Variants in GLT1D1 observed in about 807,000 individuals in gnomAD.
GLT1D1 encodes the protein glycosyltransferase 1 domain-containing protein 1.
Under a neutral mutation model 28.7 loss-of-function variants are expected in GLT1D1, and 21 were observed. That is an observed-to-expected ratio of 0.73 (90% CI 0.52 to 1.05). The LOEUF (loss-of-function observed/expected upper bound fraction) is 1.05. GLT1D1 is among the 50% of genes least tolerant of loss of function. The pLI is 0.00. For synonymous variants in GLT1D1, 147 were observed against 124.8 expected, an observed-to-expected ratio of 1.18 and a Z score of -1.19; for missense variants, 343 against 330.6, an observed-to-expected ratio of 1.04 and a Z score of -0.29.
intron 6 of GLT1D1, among the ~76,000 whole-genome samples, chr12:128,952,558 C>G (rs1876819815): frequency 6.6e-6 from 1 of 151,658 alleles, no homozygotes; most frequent in African/African-American, 2.4e-5. Context: ...CCTCCACCTC[C>G]CAGGTTCAAG....
intron 1 of GLT1D1, among the ~76,000 whole-genome samples, chr12:128,872,269 T>C (rs1473399442): frequency 6.6e-6 from 1 of 152,204 alleles, no homozygotes; most frequent in Non-Finnish European, 1.5e-5. Flanking sequence ...TTAAGTGTAC[T>C]TGATTTTCAT....
chr12:128,962,676 G>T (rs1443117952), intron 7 of GLT1D1, among the ~76,000 whole-genome samples: 1 of 152,186 alleles, frequency 6.6e-6, no homozygotes, highest in Non-Finnish European at 1.5e-5. Flanking sequence ...ATTTATAAAT[G>T]CAGACAACTC....
At chr12:128,978,074 C>T (rs470556) in intron 7 of GLT1D1, among the ~76,000 whole-genome samples, 32,246 of 151,436 alleles carry the variant, frequency 0.21, 3,936 homozygotes, top group African/African-American at 0.34. Flanking sequence ...CATGAGTCCC[C>T]GCACCCGGCC....
At chr12:128,977,765 C>CTTTTTTT (rs1565928587) in intron 7 of GLT1D1, among the ~76,000 whole-genome samples, 1 of 141,376 alleles carries the variant, frequency 7.1e-6, no homozygotes, top group Non-Finnish European at 1.5e-5. Context: ...GAGTTCTTTT[C>CTTTTTTT]TTTTTTCTTT....
chr12:128,912,422 A>G lies in GLT1D1; in HGVS notation c.375+13135A>G. ...CTTTTCTCTCTCCCCTCCTTTCAAA[A>G]GCCGCATGCTAAGGGTAAGGTCTAT... is the stretch of plus-strand genomic sequence containing the variant. On this transcript the variant is annotated intron_variant, in intron 4 of 7. Transcript: ENST00000281703. 6.6e-7 allele frequency: 1 copy of G among 1,525,138 alleles called. No homozygotes were observed. The highest frequency in any genetic ancestry group is 1.2e-5 in the South Asian group (1 of 83,434). 94.5% of individuals were successfully genotyped at this position (1,525,138 alleles called of 1,614,324 possible). A position where few individuals can be genotyped will look rare whatever the true frequency, so the allele number is the denominator to read the frequency against.
chr12:128,949,257 A>T (rs1188271250), intron 6 of GLT1D1, among the ~76,000 whole-genome samples: 1 of 152,214 alleles, frequency 6.6e-6, no homozygotes, highest in Non-Finnish European at 1.5e-5. Flanking sequence ...TTCACTGCGG[A>T]TGAATCGCTG....
In GLT1D1 at chr12:128,945,299, C is replaced by G. The variant is rs1289856386; in HGVS notation, c.376-27C>G. ...CAGCGCCACTAGCAGGCGGCGACCG[C>G]TGACATTTATCTTTGTCTCTTTTCA... On this transcript the variant is annotated intron_variant, in intron 4 of 7. Transcript: ENST00000281703. The G allele has an allele frequency of 2.5e-6, 4 of 1,613,546 alleles. No individual in the cohort carries two copies. The Admixed American group carries it at 6.7e-5, about 27-fold the overall frequency.
At chr12:128,965,823 T>C (rs994802679) in intron 7 of GLT1D1, among the ~76,000 whole-genome samples, 2 of 149,892 alleles carry the variant, frequency 1.3e-5, no homozygotes, top group African/African-American at 4.9e-5. Context: ...TTAGCCTGGG[T>C]GATGGAAGTT....
chr12:128,939,809 ACTGGGGGATGTTGCC>A (rs1874951068), intron 4 of GLT1D1, among the ~76,000 whole-genome samples: 1 of 144,126 alleles, frequency 6.9e-6, no homozygotes, highest in African/African-American at 2.7e-5. Flanking sequence ...GCGAGACAAC[ACTGGGGGATGTTGCC>A]AAATTGTTAG....
At chr12:128,968,249 C>A (rs1878674217) in intron 7 of GLT1D1, among the ~76,000 whole-genome samples, 1 of 151,784 alleles carries the variant, frequency 6.6e-6, no homozygotes, top group African/African-American at 2.4e-5. Flanking sequence ...CCTGCCTCGG[C>A]CTCCCAAAGT....
intron 4 of GLT1D1, among the ~76,000 whole-genome samples, chr12:128,928,141 A>C (rs1176610853): frequency 6.6e-6 from 1 of 152,100 alleles, no homozygotes; most frequent in South Asian, 2.1e-4. Context: ...ATTATGTGTG[A>C]TCCAAATTGT....
intron 2 of GLT1D1, among the ~76,000 whole-genome samples, chr12:128,877,883 G>A (rs897539409): frequency 6.6e-6 from 1 of 152,158 alleles, no homozygotes; most frequent in Non-Finnish European, 1.5e-5. Flanking sequence ...TGGCTTGACT[G>A]GGGCTTGCTG....
chr12:128,878,125 C>T (rs1956916929), intron 2 of GLT1D1, among the ~76,000 whole-genome samples: 2 of 152,210 alleles, frequency 1.3e-5, no homozygotes, highest in African/African-American at 4.8e-5. Flanking sequence ...CACAGGTCAG[C>T]ACTATTCAGT....
At chr12:128,945,406 G>A in intron 5 of GLT1D1, 37 bp downstream of exon 9, 1 of 1,570,968 alleles carries the variant, frequency 6.4e-7, no homozygotes, top group Non-Finnish European at 8.8e-7. Context: ...TTGCAGAACG[G>A]GAAGCCTGAG....
At chr12:128,976,783 T>A (rs1879803345) in intron 7 of GLT1D1, among the ~76,000 whole-genome samples, 1 of 152,204 alleles carries the variant, frequency 6.6e-6, no homozygotes, top group Admixed American at 6.5e-5. Context: ...TTTTTCCCCT[T>A]CTGTTCTATG....
At chr12:128,869,163 C>T (rs923037068) in intron 1 of GLT1D1, among the ~76,000 whole-genome samples, 4 of 152,172 alleles carry the variant, frequency 2.6e-5, no homozygotes, top group African/African-American at 7.2e-5. Flanking sequence ...GCCACCGCAC[C>T]CAGCCTCGTT....
At chr12:128,901,465 C>G (rs367863324) in intron 4 of GLT1D1, among the ~76,000 whole-genome samples, 2 of 143,822 alleles carry the variant, frequency 1.4e-5, no homozygotes, top group African/African-American at 5.2e-5. Flanking sequence ...GAGATGGAGT[C>G]TCGCTCTGTC....
chr12:128,861,712 G>T (rs1299098300), intron 1 of GLT1D1, among the ~76,000 whole-genome samples: 2 of 152,226 alleles, frequency 1.3e-5, no homozygotes, highest in East Asian at 3.9e-4. Context: ...AATGGGGGCA[G>T]ATCGGAGCAC....
intron 7 of GLT1D1, among the ~76,000 whole-genome samples, chr12:128,975,145 A>G (rs7295557): frequency 0.2 from 30,928 of 152,112 alleles, 3,502 homozygotes; most frequent in Non-Finnish European, 0.26. Flanking sequence ...ACGCTCAGGC[A>G]TTGTCCCGGC....
Sources: gnomAD v4.1 joint callset for allele counts (sites outside exome capture counted in the v4.1 genomes callset) on GRCh38, gnomAD v4.1.1 for gene constraint, MANE v1.5 for transcripts, NCBI Gene and HGNC (gene_info 2026-07-23, HGNC 2026-07-21) for gene names.